Variants in AGBL1 observed in about 807,000 individuals in gnomAD.
The protein encoded by AGBL1 is cytosolic carboxypeptidase 4.
AGBL1 carries 130 observed loss-of-function variants against 118.9 expected under a neutral mutation model. The ratio of observed to expected loss-of-function variants is 1.09; its 90% CI spans 0.95 to 1.26. The LOEUF (loss-of-function observed/expected upper bound fraction) is 1.26. Ranked by LOEUF, AGBL1 falls within the 50% of genes most tolerant of loss-of-function variation. The pLI, the probability that AGBL1 is intolerant of heterozygous loss-of-function variation, is 0.00. For missense variants in AGBL1, 1,584 were observed against 1,298.1 expected (o/e 1.22, Z -3.38); for synonymous variants, 555 against 478.9 (o/e 1.16, Z -2.08).
At chr15:86,343,147 C>A (rs796212101) in intron 17 of AGBL1, among the ~76,000 whole-genome samples, 13 of 152,224 alleles carry the variant, frequency 8.5e-5, no homozygotes, top group African/African-American at 3.1e-4. Context: ...ATTCTCTAGC[C>A]CTGGAGAGTG....
intron 21 of AGBL1, among the ~76,000 whole-genome samples, chr15:86,651,996 A>G (rs1254657436): frequency 1.3e-5 from 2 of 152,082 alleles, no homozygotes; most frequent in Non-Finnish European, 2.9e-5. Flanking sequence ...CTACAGTCCA[A>G]CTGGACTCTA....
intron 6 of AGBL1, among the ~76,000 whole-genome samples, chr15:86,243,747 G>A (rs564993835): frequency 2.6e-5 from 4 of 152,236 alleles, no homozygotes; most frequent in Middle Eastern, 3.4e-3. Flanking sequence ...GGTGGGTCAC[G>A]CCTGTAATTC....
chr15:86,961,536 A>G (rs1047069712), intron 23 of AGBL1, among the ~76,000 whole-genome samples: 1 of 152,076 alleles, frequency 6.6e-6, no homozygotes, highest in Admixed American at 6.6e-5. Context: ...GAGAGGGTCC[A>G]GTGGTGGTGG....
intron 17 of AGBL1, among the ~76,000 whole-genome samples, chr15:86,374,297 A>G (rs1009585461): frequency 3.9e-5 from 6 of 152,226 alleles, no homozygotes; most frequent in African/African-American, 1.2e-4. Flanking sequence ...TACAAAGCCT[A>G]TGAAGATAAG....
In AGBL1 at chr15:86,613,770, A is replaced by G. The variant is rs1000176112; in HGVS notation, c.2994+59233A>G. Among the ~76,000 whole-genome samples, 2 of 152,218 alleles carry G rather than the reference A, an allele frequency of 1.3e-5. No individual in the cohort carries two copies. The highest frequency in any genetic ancestry group is 6.5e-5 in the Admixed American group (1 of 15,282). Reference sequence around the variant, plus strand: ...CATCTCCATCACCAGGGAGCTTGTTAGAAATGCAGAATTTCAGACCCCATC... The same window carrying G: ...CATCTCCATCACCAGGGAGCTTGTTGGAAATGCAGAATTTCAGACCCCATC... On this transcript the variant is annotated intron_variant, in intron 21 of 22. Coordinates refer to ENST00000614907, the MANE Select transcript of AGBL1 (RefSeq NM_001386094.1). The surrounding 1 kb of genome is among the most constrained non-coding windows in gnomAD (Gnocchi z 4.2).
intron 1 of AGBL1, among the ~76,000 whole-genome samples, chr15:86,118,936 C>G (rs1250688514): frequency 3.3e-5 from 5 of 152,204 alleles, no homozygotes; most frequent in Non-Finnish European, 7.3e-5. Context: ...ACTTTACAGA[C>G]ATGATTTCAA....
In AGBL1 at chr15:86,218,319, T is replaced by C. The variant is rs1000675676; in HGVS notation, c.489-6595T>C. On this transcript the variant is annotated intron_variant, in intron 5 of 22. Transcript: ENST00000614907. ...GGTGCATGTTCAACTTCTGGGAAGA[T>C]AGTATTTCCACTCTCTGAAAAGGGG... 2.6e-5 allele frequency among the ~76,000 whole-genome samples: 4 copies of C among 152,078 alleles called. No individual in the cohort carries two copies. In the East Asian group the frequency reaches 5.8e-4, roughly 22 times the overall value.
chr15:86,377,275 A>G (rs978957053), intron 17 of AGBL1, among the ~76,000 whole-genome samples: 2 of 152,220 alleles, frequency 1.3e-5, no homozygotes, highest in African/African-American at 4.8e-5. Flanking sequence ...GCATACCTTT[A>G]CTAAGAACCA....
intron 22 of AGBL1, among the ~76,000 whole-genome samples, chr15:86,894,668 A>G (rs12441511): frequency 0.11 from 17,473 of 152,160 alleles, 2,058 homozygotes; most frequent in East Asian, 0.33. Context: ...CTGGGCACAA[A>G]GGCAGTACAA....
intron 16 of AGBL1, among the ~76,000 whole-genome samples, chr15:86,292,624 G>T (rs1359417708): frequency 2.6e-5 from 4 of 152,160 alleles, no homozygotes; most frequent in African/African-American, 7.2e-5. Context: ...GCAAAGTGGG[G>T]ATATTTATTG....
chr15:86,742,935 T>G (rs540910683), intron 22 of AGBL1, among the ~76,000 whole-genome samples: 1 of 152,170 alleles, frequency 6.6e-6, no homozygotes, highest in African/African-American at 2.4e-5. Flanking sequence ...ATGCTTGTTA[T>G]ATGGATAAAT....
intron 1 of AGBL1, among the ~76,000 whole-genome samples, chr15:86,100,026 GT>G (rs1002827685): frequency 5.3e-4 from 78 of 148,060 alleles, no homozygotes; most frequent in East Asian, 2.0e-3. Flanking sequence ...TTTTTGAGAG[GT>G]TTTTTTTTTA....
chr15:86,277,398 A>G (rs374441547), intron 15 of AGBL1, among the ~76,000 whole-genome samples: 8 of 152,044 alleles, frequency 5.3e-5, no homozygotes, highest in African/African-American at 1.9e-4. Flanking sequence ...TGAATTCCTT[A>G]CACTTCCCTT....
intron 19 of AGBL1, among the ~76,000 whole-genome samples, chr15:86,535,341 A>T (rs369930249): frequency 1.4e-4 from 21 of 152,304 alleles, no homozygotes; most frequent in South Asian, 8.3e-4. Flanking sequence ...ATGGCCAAGG[A>T]GGCAGATGAG....
At chr15:86,441,473 G>A (rs1044416677) in intron 18 of AGBL1, among the ~76,000 whole-genome samples, 5 of 152,176 alleles carry the variant, frequency 3.3e-5, no homozygotes, top group Non-Finnish European at 7.3e-5. Flanking sequence ...GACTCATTCT[G>A]TTTAATAAAT....
intron 21 of AGBL1, among the ~76,000 whole-genome samples, chr15:86,598,084 T>C (rs549446933): frequency 6.6e-6 from 1 of 152,226 alleles, no homozygotes; most frequent in East Asian, 1.9e-4. Flanking sequence ...TGGTCCTTGG[T>C]TTTGTCATTT....
chr15:86,190,740 C>T (rs1395338389), intron 5 of AGBL1, among the ~76,000 whole-genome samples: 1 of 152,104 alleles, frequency 6.6e-6, no homozygotes, highest in Non-Finnish European at 1.5e-5. Flanking sequence ...TGGACACAGA[C>T]TAACAGATAA....
At chr15:86,404,832 T>A (rs190213651) in intron 18 of AGBL1, among the ~76,000 whole-genome samples, 1 of 152,198 alleles carries the variant, frequency 6.6e-6, no homozygotes, top group African/African-American at 2.4e-5. Flanking sequence ...CATGAAGGCT[T>A]CTTTGTGGAC....
intron 17 of AGBL1, among the ~76,000 whole-genome samples, chr15:86,356,821 G>A (rs778355512): frequency 6.2e-4 from 94 of 152,304 alleles, no homozygotes; most frequent in Admixed American, 3.3e-4. Context: ...TGCTGGAGAA[G>A]CAAGGCGATG....
Sources: gnomAD v4.1 joint callset for allele counts (sites outside exome capture counted in the v4.1 genomes callset) on GRCh38, gnomAD v4.1.1 for gene constraint, Gnocchi (gnomAD v3.1) non-coding constraint, MANE v1.5 for transcripts, NCBI Gene and HGNC (gene_info 2026-07-23, HGNC 2026-07-21) for gene names.